CORO1C: variants seen among roughly 807,000 people sequenced by gnomAD.
CORO1C encodes the protein coronin-1C.
In CORO1C, 14 loss-of-function variants were observed where a neutral mutation model predicts 51.2. The observed-to-expected ratio is 0.27, with a 90% CI of 0.18 to 0.43. The LOEUF is 0.43. Among genes scored for constraint, CORO1C ranks in the 20% least tolerant of loss-of-function variants. The probability of loss-of-function intolerance (pLI) is 1.00; values close to 1 mark genes in which losing one functional copy is unlikely to be tolerated. For synonymous variants in CORO1C, 181 were observed against 210.5 expected, an observed-to-expected ratio of 0.86 and a Z score of 1.21; for missense variants, 417 against 607.8, an observed-to-expected ratio of 0.69 and a Z score of 3.30.
chr12:108,678,518 G>T, intron 2 of CORO1C, 124 bp from the exon 3 acceptor site: 2 of 739,600 alleles, frequency 2.7e-6, no homozygotes, highest in Non-Finnish European at 4.1e-6. Context: ...ATATGACATC[G>T]TATAGTCAAT....
At chr12:108,718,748 A>T (rs946461471) in intron 1 of CORO1C, among the ~76,000 whole-genome samples, 1 of 152,176 alleles carries the variant, frequency 6.6e-6, no homozygotes, top group East Asian at 1.9e-4. Flanking sequence ...CAGCATATGC[A>T]TCTTCTAAAG....
intron 1 of CORO1C, chr12:108,702,769 G>A (rs142159844): frequency 3.0e-5 from 44 of 1,486,394 alleles, no homozygotes; most frequent in Non-Finnish European, 3.1e-5. Context: ...GCAGAGAGAC[G>A]AATTTATTTT....
chr12:108,710,043 A>C (rs1175305149), intron 1 of CORO1C, among the ~76,000 whole-genome samples: 2 of 152,254 alleles, frequency 1.3e-5, no homozygotes, highest in African/African-American at 4.8e-5. Flanking sequence ...TTTAACCTCT[A>C]CAAAACATGG....
chr12:108,699,597 A>G (rs1219337997), intron 2 of CORO1C, among the ~76,000 whole-genome samples: 6 of 152,196 alleles, frequency 3.9e-5, no homozygotes. Context: ...TAAAATGTCA[A>G]GTTTCCAAAT....
At chr12:108,703,636 C>T (rs980059094) in intron 1 of CORO1C, among the ~76,000 whole-genome samples, 1 of 152,194 alleles carries the variant, frequency 6.6e-6, no homozygotes, top group African/African-American at 2.4e-5. Flanking sequence ...TCTCCAAAGA[C>T]AGGGATGTGG....
chr12:108,652,247 A>G (rs1162216646), intron 8 of CORO1C, 25 bp downstream of exon 8: 23 of 1,609,516 alleles, frequency 1.4e-5, no homozygotes, highest in Non-Finnish European at 1.9e-5. Flanking sequence ...CCAACCTAGA[A>G]TACTTGACAA....
intron 1 of CORO1C, chr12:108,702,993 G>C: frequency 6.8e-7 from 1 of 1,469,956 alleles, no homozygotes; most frequent in Non-Finnish European, 9.0e-7. Flanking sequence ...TCGTGGCCAG[G>C]GTCCTTCATT....
chr12:108,661,964 T>C, intron 4 of CORO1C, 65 bp downstream of exon 4: 1 of 1,590,976 alleles, frequency 6.3e-7, no homozygotes, highest in Non-Finnish European at 8.6e-7. Flanking sequence ...ACACATTTGC[T>C]TCCCCCCACT....
chr12:108,704,658 T>G (rs572906113), intron 1 of CORO1C, among the ~76,000 whole-genome samples: 1 of 152,280 alleles, frequency 6.6e-6, no homozygotes, highest in East Asian at 1.9e-4. Context: ...AAGCGGAGCT[T>G]GAAGGGCAGT....
intron 2 of CORO1C, among the ~76,000 whole-genome samples, chr12:108,696,582 C>A (rs2034694492): frequency 6.6e-6 from 1 of 152,142 alleles, no homozygotes; most frequent in Non-Finnish European, 1.5e-5. Flanking sequence ...ACACAGAGGG[C>A]TGAAAACCTG....
At chr12:108,676,005 TA>T (rs1465047809) in intron 3 of CORO1C, among the ~76,000 whole-genome samples, 1 of 152,090 alleles carries the variant, frequency 6.6e-6, no homozygotes, top group Non-Finnish European at 1.5e-5. Context: ...TCCGAATAGA[TA>T]AATTGTAGGG....
At chr12:108,649,102 T>C in intron 8 of CORO1C, 82 bp from the exon 9 acceptor site, 1 of 1,511,096 alleles carries the variant, frequency 6.6e-7, no homozygotes, top group South Asian at 1.2e-5. Context: ...TTTTCTACAA[T>C]GCTGTCTGAA....
intron 2 of CORO1C, among the ~76,000 whole-genome samples, chr12:108,682,938 T>C (rs529034599): frequency 1.3e-5 from 2 of 152,312 alleles, no homozygotes; most frequent in South Asian, 4.1e-4. Flanking sequence ...TCATAATGGA[T>C]AACAGAATGA....
intron 1 of CORO1C, chr12:108,702,800 C>T: frequency 6.5e-7 from 1 of 1,528,476 alleles, no homozygotes; most frequent in Non-Finnish European, 8.7e-7. Context: ...TCTTACCCTT[C>T]CAACGCATGT....
At chr12:108,694,618 A>T (rs1408923094) in intron 2 of CORO1C, among the ~76,000 whole-genome samples, 1 of 152,244 alleles carries the variant, frequency 6.6e-6, no homozygotes, top group Non-Finnish European at 1.5e-5. Flanking sequence ...GTTAAGTACG[A>T]GATAATGACT....
At chr12:108,725,584 C>T (rs1435332881) in intron 1 of CORO1C, among the ~76,000 whole-genome samples, 2 of 152,146 alleles carry the variant, frequency 1.3e-5, no homozygotes. Flanking sequence ...AGGCCTGCAC[C>T]CTCACGGCCT....
At chr12:108,681,581 C>T (rs12580445) in intron 2 of CORO1C, among the ~76,000 whole-genome samples, 8,669 of 152,190 alleles carry the variant, frequency 0.057, 505 homozygotes, top group East Asian at 0.32. Flanking sequence ...AAAACCACCA[C>T]CCTTGTATTC....
rs935699311 is a variant in CORO1C, at chr12:108,646,361, T to TC, written c.*1041dup. ...CAGGATCACCCAGGGCAAATACCCC[T>TC]CTCCACATGCCCACATTTTTAGTCC... is the stretch of plus-strand genomic sequence containing the variant. On this transcript the variant is annotated 3_prime_UTR_variant, in exon 11 of 11. Transcript: ENST00000261401. 3 of 152,142 alleles carry TC rather than the reference T, an allele frequency of 2.0e-5. No individual in the cohort carries two copies. The highest frequency in any genetic ancestry group is 1.3e-4 in the Admixed American group (2 of 15,262). 9.4% of individuals were successfully genotyped at this position (152,142 alleles called of 1,614,324 possible). A position where few individuals can be genotyped will look rare whatever the true frequency, so the allele number is the denominator to read the frequency against.
intron 8 of CORO1C, chr12:108,652,042 AT>A (rs771285904): frequency 2.0e-5 from 4 of 195,704 alleles, no homozygotes; most frequent in Non-Finnish European, 3.4e-5. Context: ...AAAAAGTGAG[AT>A]TTTTTTCTTT....
Sources: gnomAD v4.1 joint callset for allele counts (sites outside exome capture counted in the v4.1 genomes callset) on GRCh38, gnomAD v4.1.1 for gene constraint, MANE v1.5 for transcripts, NCBI Gene and HGNC (gene_info 2026-07-23, HGNC 2026-07-21) for gene names.